DOCK6: variants seen among roughly 807,000 people sequenced by gnomAD.
DOCK6 encodes the protein dedicator of cytokinesis protein 6.
Under a neutral mutation model 230.3 loss-of-function variants are expected in DOCK6, and 167 were observed. That is an observed-to-expected ratio of 0.73 (90% CI 0.64 to 0.82). The LOEUF (loss-of-function observed/expected upper bound fraction) is 0.82. Ranked by LOEUF, DOCK6 falls within the 40% of genes least tolerant of loss-of-function variation. The pLI is 0.00. For missense variants in DOCK6, 2,598 were observed against 2,825.8 expected, an observed-to-expected ratio of 0.92 and a Z score of 1.83; for synonymous variants, 1,148 against 1,185.0, an observed-to-expected ratio of 0.97 and a Z score of 0.64.
chr19:11,239,920 CT>C, intron 14 of DOCK6: 3 of 1,584,884 alleles, frequency 1.9e-6, no homozygotes, highest in Non-Finnish European at 2.6e-6. Flanking sequence ...TCGGGCAAGC[CT>C]GTTGGAGACT....
chr19:11,217,421 A>C (rs369518118), intron 28 of DOCK6, 30 bp from the exon 29 acceptor site: 1 of 1,603,540 alleles, frequency 6.2e-7, no homozygotes, highest in Non-Finnish European at 8.5e-7. Flanking sequence ...GGAAAGAAAG[A>C]TAAACCCTTG....
In DOCK6 at chr19:11,202,732, G is replaced by A. The variant is rs1377070000; in HGVS notation, c.5236-23C>T. On this transcript the variant is annotated intron_variant, in intron 41 of 47. Coordinates refer to ENST00000294618, the MANE Select transcript of DOCK6 (RefSeq NM_020812.4). The surrounding 1 kb of genome is among the most constrained non-coding windows in gnomAD (Gnocchi z 5.3). ...GCGCTGGGGCTGTGAGAAAGGGTGTGGTTGTCCGGGAGGCCCCTGCTGGAG... is the reference window on the plus strand; with the variant it reads ...GCGCTGGGGCTGTGAGAAAGGGTGTAGTTGTCCGGGAGGCCCCTGCTGGAG... 1.9e-6 allele frequency: 3 copies of A among 1,612,518 alleles called. No homozygotes were observed. The highest frequency in any genetic ancestry group is 4.5e-5 in the East Asian group (2 of 44,886).
Position 11,235,634 on chromosome 19 carries a change from A to T in DOCK6, c.2518T>A (p.Phe840Ile). ...PQLAAYVHYA[F>I]RLPGTEPSLP... Reference sequence around the variant, plus strand: ...CTGGGCTCAGTGCCAGGAAGGCGAAAGGCGTAGTGGACGTAGGCAGCCAGC... The same window carrying T: ...CTGGGCTCAGTGCCAGGAAGGCGAATGGCGTAGTGGACGTAGGCAGCCAGC... The change falls in exon 21 of 48, where the codon TTT (phenylalanine) becomes ATT (isoleucine). Residue 840 changes from phenylalanine to isoleucine, a missense_variant. Transcript: ENST00000294618. 6.2e-7 allele frequency: 1 copy of T among 1,603,160 alleles called. No individual in the cohort carries two copies. The highest frequency in any genetic ancestry group is 8.5e-7 in the Non-Finnish European group (1 of 1,174,654).
At chr19:11,257,070 T>C (rs1001781591) in intron 1 of DOCK6, among the ~76,000 whole-genome samples, 1 of 151,830 alleles carries the variant, frequency 6.6e-6, no homozygotes, top group Non-Finnish European at 1.5e-5. Flanking sequence ...TACTGCAGCC[T>C]CAACCTCCTG....
intron 5 of DOCK6, 175 bp from the exon 6 acceptor site, chr19:11,251,261 G>A (rs2080114147): frequency 1.6e-6 from 1 of 637,020 alleles, no homozygotes; most frequent in Non-Finnish European, 2.7e-6. Context: ...AGAAACTTCT[G>A]TCTGGAGAGC....
chr19:11,247,980 T>G (rs2080061082), intron 7 of DOCK6, 86 bp downstream of exon 7: 1 of 1,163,672 alleles, frequency 8.6e-7, no homozygotes, highest in Non-Finnish European at 1.3e-6. Flanking sequence ...CACACGGTAA[T>G]GGCACTACTC....
rs2079795749 is a variant in DOCK6 at position 11,233,239 on chromosome 19, A to G, written c.2682T>C (p.Ser894=). The change falls in exon 22 of 48, where the codon TCT becomes TCC. Residue 894 remains serine, a synonymous_variant. Transcript: ENST00000294618. The stretch of plus-strand genomic sequence containing the variant: ...GGATGCGGGAAACCTCGTCATCCAC[A>G]GAGCCAGGGGCCACGGCGAGGTCAG... ...SNPDLAVAPG[S]VDDEVSRILA... 1.2e-6 allele frequency: 2 copies of G among 1,613,740 alleles called. No individual in the cohort carries two copies. Among genetic ancestry groups the G allele is most frequent in the Admixed American group, 1.7e-5 (1 of 59,982 alleles).
At chr19:11,246,978 G>A (rs557473093) in intron 7 of DOCK6, among the ~76,000 whole-genome samples, 11 of 152,252 alleles carry the variant, frequency 7.2e-5, no homozygotes, top group Middle Eastern at 3.4e-3. Flanking sequence ...CCAGATACCC[G>A]CTCGCACCCC....
At chr19:11,234,629 T>A (rs2147822219) in intron 21 of DOCK6, among the ~76,000 whole-genome samples, 1 of 142,462 alleles carries the variant, frequency 7.0e-6, no homozygotes, top group East Asian at 2.1e-4. Flanking sequence ...TTATCCCTGT[T>A]TTACAAAAGG....
intron 28 of DOCK6, among the ~76,000 whole-genome samples, chr19:11,217,652 G>C (rs1915596252): frequency 6.6e-6 from 1 of 151,090 alleles, no homozygotes; most frequent in Admixed American, 6.6e-5. Context: ...CAGCTACTCG[G>C]GAGGCTGTGG....
At position 11,255,177 on chromosome 19, in the gene DOCK6, G is replaced by A. The variant is rs149103291; in HGVS notation, c.45-1451C>T. On this transcript the variant is annotated intron_variant, in intron 1 of 47. Coordinates refer to ENST00000294618, the MANE Select transcript of DOCK6 (RefSeq NM_020812.4). ...TGCCACCACACCTGGCTAATTTTTC[G>A]TATTTTTAGCAGAGACGGGGTTTCA... 1.2e-3 allele frequency among the ~76,000 whole-genome samples: 181 copies of A among 152,086 alleles called. 6 individuals are homozygous for A. The East Asian group carries it at 0.028, about 24-fold the overall frequency.
At chr19:11,250,225 G>A (rs2080096096) in intron 6 of DOCK6, among the ~76,000 whole-genome samples, 1 of 150,454 alleles carries the variant, frequency 6.6e-6, no homozygotes, top group Admixed American at 6.6e-5. Flanking sequence ...TGGTCAGGCT[G>A]GTCTCAAACT....
In DOCK6 at chr19:11,200,799, C is replaced by T; in HGVS notation, c.5856G>A (p.Val1952=). The change falls in exon 46 of 48, where the codon GTG becomes GTA. Residue 1952 remains valine (V), a synonymous_variant. Coordinates refer to ENST00000294618, the MANE Select transcript of DOCK6 (RefSeq NM_020812.4). This position sits in a 1 kb window ranked among gnomAD's most constrained non-coding sequence, Gnocchi z 4.3. ...GGTCTTCCGGGATCTCTGCTAAAAA[C>T]ACCTGGGCCACCTCCAGGGGACCCT... ...VNQGPLEVAQ[V]FLAEIPEDPK... is the part of the protein sequence containing the mutation. 6.2e-7 allele frequency: 1 copy of T among 1,612,954 alleles called. No homozygotes were observed. Among genetic ancestry groups the T allele is most frequent in the Non-Finnish European group, 8.5e-7 (1 of 1,179,104 alleles).
chr19:11,241,648 C>T lies in DOCK6; in HGVS notation c.1643+397G>A, dbSNP rs146610047. ...CCCCCTCACCTGGGCTGAGCCACATCTCCCTCCCCAGACTCCACACAGCGG... is the reference window on the plus strand; with the variant it reads ...CCCCCTCACCTGGGCTGAGCCACATTTCCCTCCCCAGACTCCACACAGCGG... On this transcript the variant is annotated intron_variant, in intron 14 of 47. Coordinates refer to ENST00000294618, the MANE Select transcript of DOCK6 (RefSeq NM_020812.4). The T allele has an allele frequency of 1.1e-3, 1,808 of 1,573,764 alleles. 16 individuals are homozygous for T. In the African/African-American group the frequency reaches 0.02, roughly 17 times the overall value.
At chr19:11,238,448 G>T in intron 14 of DOCK6, 144 bp from the exon 15 acceptor site, 2 of 694,264 alleles carry the variant, frequency 2.9e-6, no homozygotes, top group Non-Finnish European at 5.0e-6. Flanking sequence ...AGGGCCCGGT[G>T]AGAGGTAATA....
At chr19:11,213,408 G>C in intron 34 of DOCK6, 80 bp from the exon 35 acceptor site, 2 of 1,528,254 alleles carry the variant, frequency 1.3e-6, no homozygotes, top group Admixed American at 2.0e-5. Context: ...AATGAGGACT[G>C]CTTGGGCAGG....
In DOCK6 at chr19:11,245,630, G is replaced by C; in HGVS notation, c.956C>G (p.Ser319Cys). Residue 319 changes from serine to cysteine, a missense_variant, in exon 9 of 48, where the codon TCC becomes TGC. By Grantham distance (112) the Ser-to-Cys change is moderately radical. Coordinates refer to ENST00000294618, the MANE Select transcript of DOCK6 (RefSeq NM_020812.4). ...LRAHGTHPAISTLARSAIFSV... is the reference protein window; with the variant it reads ...LRAHGTHPAICTLARSAIFSV... ...GAAGATGGCAGAGCGGGCCAGGGTGGAGATGGCAGGGTGGGTGCCATGAGC... is the reference window on the plus strand; with the variant it reads ...GAAGATGGCAGAGCGGGCCAGGGTGCAGATGGCAGGGTGGGTGCCATGAGC... 1 of 1,601,984 alleles carries C rather than the reference G, an allele frequency of 6.2e-7. No individual in the cohort carries two copies. The highest frequency in any genetic ancestry group is 8.5e-7 in the Non-Finnish European group (1 of 1,174,354).
intron 35 of DOCK6, 141 bp from the exon 36 acceptor site, chr19:11,212,292 A>G (rs1305657936): frequency 2.4e-5 from 23 of 962,084 alleles, no homozygotes; most frequent in Middle Eastern, 6.7e-4. Flanking sequence ...CCCAGGCTGG[A>G]GTGCAGTGGC....
chr19:11,253,705 C>T lies in DOCK6; in HGVS notation c.66G>A (p.Arg22=), dbSNP rs1295634997. Residue 22 remains arginine, a synonymous_variant, in exon 2 of 48, where the codon CGG becomes CGA. Coordinates refer to ENST00000294618, the MANE Select transcript of DOCK6 (RefSeq NM_020812.4). The stretch of plus-strand genomic sequence containing the variant: ...CACTGCGTTCCCGGGACACCTGCTT[C>T]CGCACCTCTGCGGCCACCGTCCTGG... The part of the protein sequence containing the change: ...KINRTVAAEV[R]KQVSRERSGS... 3 of 1,472,274 alleles carry T rather than the reference C, an allele frequency of 2.0e-6. No individual in the cohort carries two copies. The highest frequency in any genetic ancestry group is 1.4e-5 in the South Asian group (1 of 70,158). 91.2% of individuals were successfully genotyped at this position (1,472,274 alleles called of 1,614,324 possible). A position where few individuals can be genotyped will look rare whatever the true frequency, so the allele number is the denominator to read the frequency against.
Sources: gnomAD v4.1 joint callset for allele counts (sites outside exome capture counted in the v4.1 genomes callset) on GRCh38, gnomAD v4.1.1 for gene constraint, Gnocchi (gnomAD v3.1) non-coding constraint, MANE v1.5 for transcripts, NCBI Gene and HGNC (gene_info 2026-07-23, HGNC 2026-07-21) for gene names.